Variants in ATP8B4 observed in about 807,000 individuals in gnomAD.
ATP8B4 encodes the protein ATPase phospholipid transporting 8B4 (putative).
Under a neutral mutation model 145.6 loss-of-function variants are expected in ATP8B4, and 133 were observed. The ratio of observed to expected loss-of-function variants is 0.91; its 90% confidence interval spans 0.79 to 1.05. ATP8B4 has a LOEUF of 1.05. ATP8B4 is among the 50% of genes least tolerant of loss of function. ATP8B4 has a pLI of 0.00. For synonymous variants in ATP8B4, 507 were observed against 492.9 expected (o/e 1.03, Z -0.38); for missense variants, 1,458 against 1,425.2 (o/e 1.02, Z -0.37).
At chr15:49,942,728 G>C (rs1423327132) in intron 14 of ATP8B4, among the ~76,000 whole-genome samples, 1 of 152,110 alleles carries the variant, frequency 6.6e-6, no homozygotes, top group Non-Finnish European at 1.5e-5. Context: ...GGGAGGCTGA[G>C]GCAGGAGAAT....
intron 1 of ATP8B4, among the ~76,000 whole-genome samples, chr15:50,133,571 T>G (rs561841677): frequency 6.6e-6 from 1 of 151,892 alleles, no homozygotes; most frequent in South Asian, 2.1e-4. Flanking sequence ...CCAGCCTGGG[T>G]GACAGAGTGA....
intron 12 of ATP8B4, among the ~76,000 whole-genome samples, chr15:49,978,728 G>C (rs962207424): frequency 3.1e-5 from 4 of 126,986 alleles, no homozygotes; most frequent in African/African-American, 1.1e-4. Context: ...CAATTTCTAA[G>C]CTTTATCAAA....
intron 14 of ATP8B4, among the ~76,000 whole-genome samples, chr15:49,952,139 T>C (rs1333539750): frequency 6.6e-6 from 1 of 152,212 alleles, no homozygotes; most frequent in East Asian, 1.9e-4. Context: ...TTTCCTTCAT[T>C]TGGACCTTGG....
intron 20 of ATP8B4, among the ~76,000 whole-genome samples, chr15:49,903,417 T>C (rs1037872638): frequency 6.6e-6 from 1 of 152,238 alleles, no homozygotes; most frequent in Non-Finnish European, 1.5e-5. Flanking sequence ...ATTCTTGGCA[T>C]GCAGAATCGC....
At chr15:50,174,333 C>T (rs780150158) in intron 1 of ATP8B4, among the ~76,000 whole-genome samples, 5 of 152,040 alleles carry the variant, frequency 3.3e-5, no homozygotes, top group African/African-American at 4.8e-5. Context: ...GCATCCAAAT[C>T]GGTAAAGAGG....
chr15:49,963,717 A>G (rs1409864651), intron 13 of ATP8B4, among the ~76,000 whole-genome samples: 1 of 152,158 alleles, frequency 6.6e-6, no homozygotes, highest in African/African-American at 2.4e-5. Flanking sequence ...ATGAGAACAC[A>G]TGGACACATG....
intron 1 of ATP8B4, 62 bp downstream of exon 1, chr15:50,119,060 AC>A (rs1222998482): frequency 1.3e-5 from 2 of 152,174 alleles, no homozygotes; most frequent in East Asian, 1.9e-4. Context: ...GATCGTTCCA[AC>A]CAGCCCACAG....
intron 5 of ATP8B4, among the ~76,000 whole-genome samples, chr15:50,041,162 A>T (rs2051252106): frequency 6.6e-6 from 1 of 152,184 alleles, no homozygotes; most frequent in South Asian, 2.1e-4. Context: ...ATATGTAGGA[A>T]CTCATGCATC....
chr15:49,959,487 ATAAAT>A (rs1299641369), intron 14 of ATP8B4, among the ~76,000 whole-genome samples: 1 of 152,132 alleles, frequency 6.6e-6, no homozygotes, highest in Non-Finnish European at 1.5e-5. Context: ...GATAAGAAAA[ATAAAT>A]TAAAAGTAAA....
chr15:50,150,953 C>T (rs2044339382), intron 1 of ATP8B4, among the ~76,000 whole-genome samples: 1 of 152,164 alleles, frequency 6.6e-6, no homozygotes, highest in South Asian at 2.1e-4. Context: ...GGATTCCTGT[C>T]CTAACATCTT....
At chr15:49,919,346 T>C (rs1332149238) in intron 18 of ATP8B4, among the ~76,000 whole-genome samples, 1 of 152,174 alleles carries the variant, frequency 6.6e-6, no homozygotes, top group Non-Finnish European at 1.5e-5. Context: ...AGTCTAGTCA[T>C]TCTTCTACAT....
At chr15:50,173,188 GGAGGTGTAC>G (rs565598729) in intron 1 of ATP8B4, among the ~76,000 whole-genome samples, 137 of 152,290 alleles carry the variant, frequency 9.0e-4, no homozygotes, top group African/African-American at 3.2e-3. Context: ...ACCCCGTCTG[GGAGGTGTAC>G]CCAACAGCTC....
At chr15:50,086,936 G>A (rs1292434774) in intron 2 of ATP8B4, among the ~76,000 whole-genome samples, 1 of 91,438 alleles carries the variant, frequency 1.1e-5, no homozygotes, top group Non-Finnish European at 1.9e-5. Context: ...ATAATATAGA[G>A]ATCTATATTT....
intron 1 of ATP8B4, among the ~76,000 whole-genome samples, chr15:50,138,626 G>T (rs886292252): frequency 2.0e-5 from 3 of 152,170 alleles, no homozygotes; most frequent in African/African-American, 7.2e-5. Context: ...CAATGCCAAG[G>T]ATGAACTATT....
In ATP8B4 at chr15:50,010,834, T is replaced by C. The variant is rs767708992; in HGVS notation, c.435+11A>G. 2 of 1,501,420 alleles carry C rather than the reference T, an allele frequency of 1.3e-6. No homozygotes were observed. The highest frequency in any genetic ancestry group is 2.5e-5 in the South Asian group (2 of 80,396). 93.0% of individuals were successfully genotyped at this position (1,501,420 alleles called of 1,614,324 possible). A position where few individuals can be genotyped will look rare whatever the true frequency, so the allele number is the denominator to read the frequency against. ...CTGAGATAAATTATTCAAACAATAT[T>C]GAATACTTACAGCAACAAATTGGTT... On this transcript the variant is annotated intron_variant, in intron 7 of 27. Transcript: ENST00000284509.
intron 1 of ATP8B4, among the ~76,000 whole-genome samples, chr15:50,169,323 C>A (rs1189283126): frequency 6.6e-6 from 1 of 152,230 alleles, no homozygotes; most frequent in Non-Finnish European, 1.5e-5. Flanking sequence ...GTATTCACGG[C>A]TGAGAGACCC....
At chr15:49,890,771 T>C (rs911747697) in intron 23 of ATP8B4, among the ~76,000 whole-genome samples, 1 of 152,160 alleles carries the variant, frequency 6.6e-6, no homozygotes, top group African/African-American at 2.4e-5. Flanking sequence ...AAACAGGGAA[T>C]GGAAAAGAGA....
intron 6 of ATP8B4, among the ~76,000 whole-genome samples, chr15:50,034,231 T>G (rs1198231199): frequency 6.9e-6 from 1 of 144,696 alleles, no homozygotes; most frequent in African/African-American, 2.7e-5. Context: ...TTTCCTTGTT[T>G]TTTTTTTTTT....
chr15:49,874,392 C>T (rs2034083738), intron 25 of ATP8B4, among the ~76,000 whole-genome samples: 1 of 152,084 alleles, frequency 6.6e-6, no homozygotes, highest in Non-Finnish European at 1.5e-5. Context: ...ATAAGGCAAG[C>T]AAGAGACTGG....
Sources: allele counts gnomAD v4.1 joint callset (sites outside exome capture counted in the v4.1 genomes callset), GRCh38; gene constraint gnomAD v4.1.1; transcripts MANE v1.5; gene names NCBI Gene and HGNC (gene_info 2026-07-23, HGNC 2026-07-21).